TTN: variants seen among roughly 807,000 people sequenced by gnomAD.
The protein encoded by TTN is connectin.
A neutral mutation model predicts 3,223.0 loss-of-function variants in TTN; 1,525 were observed. The ratio of observed to expected loss-of-function variants is 0.47; its 90% CI spans 0.45 to 0.49. The LOEUF is 0.49. Among genes scored for constraint, TTN ranks in the 20% least tolerant of loss-of-function variants. TTN has a pLI of 0.00. For synonymous variants in TTN, 14,094 were observed against 15,161.0 expected, an observed-to-expected ratio of 0.93 and a Z score of 5.17; for missense variants, 40,786 against 43,424.0, an observed-to-expected ratio of 0.94 and a Z score of 5.40.
In TTN at chr2:178,723,111, T is replaced by G; in HGVS notation, c.21896A>C (p.Gln7299Pro). 1 of 1,613,662 alleles carries G rather than the reference T, an allele frequency of 6.2e-7. No individual in the cohort carries two copies. The highest frequency in any genetic ancestry group is 8.5e-7 in the Non-Finnish European group (1 of 1,179,666). ...CTCATTTTCAATCTCGCAGGAATAC[T>G]GCCCTGCATCTCTTTTTGTGCTATT... ...ILNSTKRDAG[Q>P]YSCEIENEAG... is the part of the protein sequence containing the mutation. The change falls in exon 75 of 363, where the codon CAG becomes CCG. Residue 7299 changes from glutamine (Q) to proline (P), a missense_variant. By Grantham distance (76) the Gln-to-Pro change is moderately conservative (BLOSUM62 -1). Coordinates refer to ENST00000589042, the MANE Select transcript of TTN (RefSeq NM_001267550.2).
chr2:178,807,013 A>G (rs2094346438), intron 1 of TTN, among the ~76,000 whole-genome samples, 199 bp downstream of exon 1: 1 of 152,210 alleles, frequency 6.6e-6, no homozygotes, highest in Non-Finnish European at 1.5e-5. Flanking sequence ...GATATAATAA[A>G]GCTTTCAACT....
At chr2:178,612,250 T>A (rs755095584) in intron 266 of TTN, 27 bp downstream of exon 266, 9 of 1,607,316 alleles carry the variant, frequency 5.6e-6, no homozygotes, top group Middle Eastern at 3.3e-4. Context: ...GCACTTATTG[T>A]CACAAAGATT....
Position 178,681,391 on chromosome 2 carries a change from G to T in TTN, c.33232C>A (p.Pro11078Thr). Residue 11078 changes from proline (P) to threonine (T), a missense_variant, in exon 137 of 363, where the codon CCT becomes ACT. Transcript: ENST00000589042. ...VPVPIPKKLK[P>T]PPPKVPEEPK... is the part of the protein sequence containing the mutation. ...AGTAATGTACCTTTGGGTGGTGGAG[G>T]TTTGAGTTTCTTAGGAATGGGCACT... 3 of 1,612,284 alleles carry T rather than the reference G, an allele frequency of 1.9e-6. No individual in the cohort carries two copies. The highest frequency in any genetic ancestry group is 2.5e-6 in the Non-Finnish European group (3 of 1,178,874).
In TTN at chr2:178,575,446, G is replaced by A. The variant is rs371481540; in HGVS notation, c.70686C>T (p.Ser23562=). The A allele has an allele frequency of 6.8e-6, 11 of 1,613,434 alleles. No homozygotes were observed. The African/African-American group carries it at 1.1e-4, about 16-fold the overall frequency. Residue 23562 remains serine, a synonymous_variant, in exon 326 of 363, where the codon AGC becomes AGT. Transcript: ENST00000589042. The surrounding 1 kb of genome is among the most constrained non-coding windows in gnomAD (Gnocchi z 4.0). ...AWPKPKHDGG[S]KITGYVIEAQ... is the part of the protein sequence containing the mutation. ...CTTCAATCACATAGCCAGTGATCTT[G>A]CTGCCACCATCGTGTTTGGGCTTAG...
intron 168 of TTN, 37 bp downstream of exon 168, chr2:178,664,423 C>A: frequency 6.7e-7 from 1 of 1,500,368 alleles, no homozygotes; most frequent in Non-Finnish European, 9.2e-7. Flanking sequence ...ATCGCCCCAC[C>A]CACTATCCCA....
In TTN at chr2:178,565,499, A is replaced by T; in HGVS notation, c.80633T>A (p.Ile26878Lys). 6.2e-7 allele frequency: 1 copy of T among 1,613,444 alleles called. No individual in the cohort carries two copies. The highest frequency in any genetic ancestry group is 8.5e-7 in the Non-Finnish European group (1 of 1,179,602). ...AAATGGTAACTTTAAACTAGGCTGT[A>T]TAGTCAAGTCCTTGGCTATGACAGG... The part of the protein sequence containing the change: ...GVPVIAKDLT[I>K]QPSLKLPFNT... The change falls in exon 326 of 363, where the codon ATA becomes AAA. Residue 26878 changes from isoleucine to lysine, a missense_variant. Coordinates refer to ENST00000589042, the MANE Select transcript of TTN (RefSeq NM_001267550.2).
At chr2:178,690,730 G>A (rs1231235514) in intron 121 of TTN, among the ~76,000 whole-genome samples, 6 of 151,938 alleles carry the variant, frequency 3.9e-5, no homozygotes, top group Non-Finnish European at 5.9e-5. Context: ...TAATATTTTG[G>A]TGCAATTATA....
intron 224 of TTN, among the ~76,000 whole-genome samples, 193 bp downstream of exon 224, chr2:178,637,176 T>TAG (rs1319154206): frequency 7.6e-6 from 1 of 130,890 alleles, no homozygotes; most frequent in South Asian, 2.4e-4. Flanking sequence ...TATATATATA[T>TAG]ATATATATAT....
chr2:178,550,158 C>G lies in TTN; in HGVS notation c.91680G>C (p.Trp30560Cys). Residue 30560 changes from tryptophan (W) to cysteine (C), a missense_variant, in exon 337 of 363, where the codon TGG becomes TGC. Transcript: ENST00000589042. Reference sequence around the variant, plus strand: ...TTTCGATTTCCACTCCATCTTTGAACCAAGTTACTCGAGGCACTGGTCTTC... The same window carrying G: ...TTTCGATTTCCACTCCATCTTTGAAGCAAGTTACTCGAGGCACTGGTCTTC... Reference protein sequence around the residue: ...VQGRPVPRVTWFKDGVEIEKR... With the variant: ...VQGRPVPRVTCFKDGVEIEKR... 6.2e-7 allele frequency: 1 copy of G among 1,613,730 alleles called. No individual in the cohort carries two copies. Among genetic ancestry groups the G allele is most frequent in the Non-Finnish European group, 8.5e-7 (1 of 1,179,746 alleles).
chr2:178,750,480 T>C lies in TTN; in HGVS notation c.11311+2644A>G, dbSNP rs1320591657. 3 of 1,612,832 alleles carry C rather than the reference T, an allele frequency of 1.9e-6. No homozygotes were observed. Among genetic ancestry groups the C allele is most frequent in the Admixed American group, 1.7e-5 (1 of 59,818 alleles). On this transcript the variant is annotated intron_variant, in intron 47 of 362. Transcript: ENST00000589042. Reference sequence around the variant, plus strand: ...ATGTCATTGTTATACCACGTCACTATAGGTTGAGGATATCCTTGAAAATGA... The same window carrying C: ...ATGTCATTGTTATACCACGTCACTACAGGTTGAGGATATCCTTGAAAATGA...
chr2:178,576,577 C>A lies in TTN; in HGVS notation c.69667G>T (p.Gly23223Cys). The stretch of plus-strand genomic sequence containing the variant: ...GAATCTGAAGCCTCACTGGGTGGAC[C>A]AATTCCTGCTCTGTTTTCTGCACTG... ...RVSAENRAGI[G>C]PPSEASDSVL... Residue 23223 changes from glycine (G) to cysteine (C), a missense_variant, in exon 325 of 363, where the codon GGT becomes TGT. Physicochemically the swap from Gly to Cys is radical, Grantham distance 159. Coordinates refer to ENST00000589042, the MANE Select transcript of TTN (RefSeq NM_001267550.2). The surrounding 1 kb of genome is among the most constrained non-coding windows in gnomAD (Gnocchi z 4.3). The A allele has an allele frequency of 1.9e-6, 3 of 1,613,570 alleles. No individual in the cohort carries two copies. Among genetic ancestry groups the A allele is most frequent in the Non-Finnish European group, 2.5e-6 (3 of 1,179,642 alleles).
rs745648050 is a variant in TTN at position 178,719,843 on chromosome 2, A to T, written c.23660-11T>A. 6.3e-7 allele frequency: 1 copy of T among 1,596,934 alleles called. No individual in the cohort carries two copies. The highest frequency in any genetic ancestry group is 2.2e-5 in the East Asian group (1 of 44,540). ...TGATTCTTGCTGGTTCTAAAAGAAG[A>T]AGTATTTTGCATTGAAAACAAAGTA... is the stretch of plus-strand genomic sequence containing the variant. On this transcript the variant is annotated splice_polypyrimidine_tract_variant and intron_variant, in intron 81 of 362. Coordinates refer to ENST00000589042, the MANE Select transcript of TTN (RefSeq NM_001267550.2).
At position 178,594,439 on chromosome 2, in the gene TTN, C is replaced by T. The variant is rs995136716; in HGVS notation, c.58055G>A (p.Gly19352Asp). 1 of 1,613,072 alleles carries T rather than the reference C, an allele frequency of 6.2e-7. No individual in the cohort carries two copies. The highest frequency in any genetic ancestry group is 8.5e-7 in the Non-Finnish European group (1 of 1,179,476). ...RKYTVKGLKE[G>D]DTYEYRVSAV... Reference sequence around the variant, plus strand: ...ACTGACACGGTACTCATAGGTATCACCTTCTTTTAAGCCTTTAACAGTGTA... The same window carrying T: ...ACTGACACGGTACTCATAGGTATCATCTTCTTTTAAGCCTTTAACAGTGTA... Residue 19352 changes from glycine to aspartate, a missense_variant, in exon 296 of 363, where the codon GGT (glycine) becomes GAT (aspartate). Transcript: ENST00000589042.
At position 178,530,323 on chromosome 2, in the gene TTN, A is replaced by G. The variant is rs770923321; in HGVS notation, c.106292T>C (p.Val35431Ala). 1 of 1,613,964 alleles carries G rather than the reference A, an allele frequency of 6.2e-7. No homozygotes were observed. Among genetic ancestry groups the G allele is most frequent in the South Asian group, 1.1e-5 (1 of 91,078 alleles). Reference sequence around the variant, plus strand: ...AAATTTAGCAACACTGTCTGAAGAAACAGTTGTATCCTGCAACCCAGTAAC... The same window carrying G: ...AAATTTAGCAACACTGTCTGAAGAAGCAGTTGTATCCTGCAACCCAGTAAC... The part of the protein sequence containing the change: ...VIVTGLQDTT[V>A]SSDSVAKFAV... Residue 35431 changes from valine (V) to alanine (A), a missense_variant, in exon 358 of 363, where the codon GTT (valine) becomes GCT (alanine). By Grantham distance (64) the Val-to-Ala change is moderately conservative. Coordinates refer to ENST00000589042, the MANE Select transcript of TTN (RefSeq NM_001267550.2).
In TTN at chr2:178,782,320, T is replaced by C. The variant is rs779873815; in HGVS notation, c.3272A>G (p.Gln1091Arg). The C allele has an allele frequency of 6.2e-7, 1 of 1,614,134 alleles. No homozygotes were observed. The highest frequency in any genetic ancestry group is 8.5e-7 in the Non-Finnish European group (1 of 1,180,000). ...APYFITKPVV[Q>R]KLVEGGSVVF... is the part of the protein sequence containing the mutation. ...CACGCTCCCACCTTCCACCAGTTTC[T>C]GGACCACTGGTTTTGTAATAAAGTA... Residue 1091 changes from glutamine (Q) to arginine (R), a missense_variant, in exon 20 of 363, where the codon CAG becomes CGG. Physicochemically the swap from Gln to Arg is conservative, Grantham distance 43. Transcript: ENST00000589042.
Position 178,653,253 on chromosome 2 carries a change from C to T in TTN, c.38776G>A (p.Val12926Ile), listed in dbSNP as rs757752205. ...TGACAAATACCTTTAACAGGTGGGACTTCAGGCTTTTTAGGAGGAGCCAAG... is the reference window on the plus strand; with the variant it reads ...TGACAAATACCTTTAACAGGTGGGATTTCAGGCTTTTTAGGAGGAGCCAAG... ...VPLAPPKKPE[V>I]PPVKVPEAPK... is the part of the protein sequence containing the mutation. Residue 12926 changes from valine (V) to isoleucine (I), a missense_variant, in exon 198 of 363, where the codon GTC (valine) becomes ATC (isoleucine). Transcript: ENST00000589042. The T allele has an allele frequency of 1.9e-6, 3 of 1,612,136 alleles. No homozygotes were observed. Among genetic ancestry groups the T allele is most frequent in the Non-Finnish European group, 1.7e-6 (2 of 1,179,318 alleles).
chr2:178,635,196 T>G lies in TTN; in HGVS notation c.41993A>C (p.Lys13998Thr). 1 of 1,613,026 alleles carries G rather than the reference T, an allele frequency of 6.2e-7. No homozygotes were observed. The highest frequency in any genetic ancestry group is 8.5e-7 in the Non-Finnish European group (1 of 1,179,434). ...GGGCCTTAGAAGTTCTCCTTTCAGTTTCCATTGTCCAGGAATGTCTGCCTC... is the reference window on the plus strand; with the variant it reads ...GGGCCTTAGAAGTTCTCCTTTCAGTGTCCATTGTCCAGGAATGTCTGCCTC... The part of the protein sequence containing the change: ...ISEADIPGQW[K>T]LKGELLRPSP... Residue 13998 changes from lysine (K) to threonine (T), a missense_variant, in exon 228 of 363, where the codon AAA becomes ACA. Physicochemically the swap from Lys to Thr is moderately conservative, Grantham distance 78. Coordinates refer to ENST00000589042, the MANE Select transcript of TTN (RefSeq NM_001267550.2).
chr2:178,584,870 T>A lies in TTN; in HGVS notation c.64771A>T (p.Asn21591Tyr). Residue 21591 changes from asparagine (N) to tyrosine (Y), a missense_variant, in exon 310 of 363, where the codon AAC (asparagine) becomes TAC (tyrosine). Coordinates refer to ENST00000589042, the MANE Select transcript of TTN (RefSeq NM_001267550.2). ...WHIPLEDGGS[N>Y]ITNYIVEKCD... is the part of the protein sequence containing the mutation. ...TTCTCCACTATATAATTGGTGATGT[T>A]ACTGCCTCCGTCCTCCAGAGGGATG... 6.2e-7 allele frequency: 1 copy of A among 1,613,398 alleles called. No individual in the cohort carries two copies. The highest frequency in any genetic ancestry group is 8.5e-7 in the Non-Finnish European group (1 of 1,179,542).
In TTN at chr2:178,693,921, C is replaced by A. The variant is rs1553860401; in HGVS notation, c.31513+1G>T. The A allele has an allele frequency of 6.2e-7, 1 of 1,612,420 alleles. No individual in the cohort carries two copies. Among genetic ancestry groups the A allele is most frequent in the African/African-American group, 1.3e-5 (1 of 74,880 alleles). ...CCCCCACATTCCAGTTTGCCTTATACCTGTGACTGACACCTCCTCCTCTGT... is the reference window on the plus strand; with the variant it reads ...CCCCCACATTCCAGTTTGCCTTATAACTGTGACTGACACCTCCTCCTCTGT... On this transcript the variant is annotated splice_donor_variant, in intron 118 of 362. Transcript: ENST00000589042. LOFTEE classifies it high-confidence loss of function.
Sources: allele counts gnomAD v4.1 joint callset (sites outside exome capture counted in the v4.1 genomes callset), GRCh38; gene constraint gnomAD v4.1.1; non-coding constraint Gnocchi (gnomAD v3.1); transcripts MANE v1.5; gene names NCBI Gene and HGNC (gene_info 2026-07-23, HGNC 2026-07-21).